Variants in FAM20B observed in about 807,000 individuals in gnomAD.
FAM20B encodes glycosaminoglycan xylosylkinase.
A neutral mutation model predicts 43.8 loss-of-function variants in FAM20B; 23 were observed. The observed-to-expected ratio is 0.53, with a 90% CI of 0.38 to 0.74. The LOEUF (loss-of-function observed/expected upper bound fraction) is 0.74. Ranked by LOEUF, FAM20B falls within the 30% of genes least tolerant of loss-of-function variation. The pLI is 0.00. For missense variants in FAM20B, 440 were observed against 510.5 expected (o/e 0.86, Z 1.33); for synonymous variants, 178 against 192.4 (o/e 0.93, Z 0.62).
At chr1:179,069,176 C>T (rs1436052408) in intron 7 of FAM20B, among the ~76,000 whole-genome samples, 1 of 152,112 alleles carries the variant, frequency 6.6e-6, no homozygotes, top group Admixed American at 6.6e-5. Context: ...CCCACACCTT[C>T]TGGGAGTGTG....
intron 1 of FAM20B, among the ~76,000 whole-genome samples, chr1:179,031,071 G>A (rs1188984315): frequency 6.6e-6 from 1 of 152,100 alleles, no homozygotes; most frequent in Non-Finnish European, 1.5e-5. Context: ...AAAATGCGAG[G>A]TCTATTGTTG....
intron 1 of FAM20B, among the ~76,000 whole-genome samples, chr1:179,027,858 A>G (rs1011284856): frequency 1.3e-5 from 2 of 152,230 alleles, no homozygotes; most frequent in African/African-American, 4.8e-5. Flanking sequence ...TCTTAAGATT[A>G]GAGAAAAAAC....
chr1:179,041,260 C>T (rs929755531), intron 1 of FAM20B, among the ~76,000 whole-genome samples: 1 of 152,186 alleles, frequency 6.6e-6, no homozygotes. Context: ...GGGTGGCGGC[C>T]GAGCAGAGGC....
chr1:179,068,759 A>G (rs1456022600), intron 7 of FAM20B, among the ~76,000 whole-genome samples: 3 of 152,224 alleles, frequency 2.0e-5, no homozygotes, highest in Non-Finnish European at 4.4e-5. Flanking sequence ...TTAAATTCCA[A>G]TAACAGGAGT....
chr1:179,041,437 C>T (rs1311544626), intron 1 of FAM20B, among the ~76,000 whole-genome samples: 1 of 152,124 alleles, frequency 6.6e-6, no homozygotes, highest in African/African-American at 2.4e-5. Flanking sequence ...GCGGATCACT[C>T]GCGGTTAGGA....
chr1:179,074,294 AG>A lies in FAM20B; in HGVS notation c.*2151del, dbSNP rs1201992917. The A allele has an allele frequency of 6.6e-6, 1 of 152,660 alleles. No individual in the cohort carries two copies. Among genetic ancestry groups the A allele is most frequent in the African/African-American group, 2.4e-5 (1 of 41,460 alleles). The allele number at this position is 152,660 out of a possible 1,614,324, so 9.5% of individuals were successfully genotyped here. A position where few individuals can be genotyped will look rare whatever the true frequency, so the allele number is the denominator to read the frequency against. On this transcript the variant is annotated 3_prime_UTR_variant, in exon 8 of 8. Transcript: ENST00000263733. ...ATTGATTTCAGTTTTAAGGCTACTC[AG>A]TGTTGTGTGTCCAGGGAAATTCACA...
chr1:179,033,269 C>A (rs562101275), intron 1 of FAM20B, among the ~76,000 whole-genome samples: 1 of 152,282 alleles, frequency 6.6e-6, no homozygotes, highest in Admixed American at 6.5e-5. Flanking sequence ...CTGAAGTATG[C>A]AAGTGGATTT....
chr1:179,043,090 C>A (rs72707293), intron 1 of FAM20B, among the ~76,000 whole-genome samples: 21,474 of 152,210 alleles, frequency 0.14, 1,759 homozygotes, highest in East Asian at 0.3. Context: ...ATGTCATCCA[C>A]AGTGCCCAAG....
At chr1:179,067,593 G>A (rs1338780379) in intron 7 of FAM20B, among the ~76,000 whole-genome samples, 1 of 151,862 alleles carries the variant, frequency 6.6e-6, no homozygotes, top group Non-Finnish European at 1.5e-5. Context: ...GACAGAGTGA[G>A]ACTCTGTCTC....
chr1:179,054,004 T>G (rs1651113032), intron 3 of FAM20B, among the ~76,000 whole-genome samples: 1 of 152,188 alleles, frequency 6.6e-6, no homozygotes, highest in Middle Eastern at 3.2e-3. Context: ...AATTTCATTT[T>G]TTTAAAATAA....
At chr1:179,027,693 T>C (rs897027966) in intron 1 of FAM20B, among the ~76,000 whole-genome samples, 3 of 152,202 alleles carry the variant, frequency 2.0e-5, no homozygotes, top group African/African-American at 7.2e-5. Context: ...TAAAAGATGA[T>C]CAAGACATCT....
At chr1:179,068,878 A>G (rs1290187818) in intron 7 of FAM20B, among the ~76,000 whole-genome samples, 1 of 152,224 alleles carries the variant, frequency 6.6e-6, no homozygotes, top group Non-Finnish European at 1.5e-5. Flanking sequence ...AGCTCAGCCC[A>G]CCAGATAGCA....
In FAM20B at chr1:179,053,065, A is replaced by ATGT. The variant is rs1231149469; in HGVS notation, c.465-1462_465-1460dup. Among the ~76,000 whole-genome samples the ATGT allele has an allele frequency of 2.0e-5, 3 of 152,202 alleles. No homozygotes were observed. The South Asian group carries it at 6.2e-4, about 31-fold the overall frequency. On this transcript the variant is annotated intron_variant, in intron 3 of 7. Transcript: ENST00000263733. ...ATCTTAGAGTATTTGTGTACTTTTG[A>ATGT]TGTTAACTAACTATAATGTTTCAGT...
At position 179,073,254 on chromosome 1, in the gene FAM20B, TA is replaced by T. The variant is rs1557882213; in HGVS notation, c.*1111del. 1 of 152,250 alleles carries T rather than the reference TA, an allele frequency of 6.6e-6. No individual in the cohort carries two copies. Among genetic ancestry groups the T allele is most frequent in the African/African-American group, 2.4e-5 (1 of 41,462 alleles). 9.4% of individuals were successfully genotyped at this position (152,250 alleles called of 1,614,324 possible). On this transcript the variant is annotated 3_prime_UTR_variant, in exon 8 of 8. Coordinates refer to ENST00000263733, the MANE Select transcript of FAM20B (RefSeq NM_014864.4). The stretch of plus-strand genomic sequence containing the variant: ...ACTCTCTCAGATAAGTGGCTGGACT[TA>T]TCTTGTGATTTGGGGCCATGGAAGA...
intron 7 of FAM20B, among the ~76,000 whole-genome samples, chr1:179,069,652 A>G (rs1272931975): frequency 6.6e-6 from 1 of 152,156 alleles, no homozygotes; most frequent in Admixed American, 6.5e-5. Flanking sequence ...GATTACAGGC[A>G]TGAGCCACCG....
intron 2 of FAM20B, among the ~76,000 whole-genome samples, chr1:179,046,248 A>G (rs997445109): frequency 3.3e-5 from 5 of 152,234 alleles, no homozygotes; most frequent in Non-Finnish European, 7.3e-5. Context: ...CTCATCATCA[A>G]AAATCGCATT....
At position 179,071,921 on chromosome 1, in the gene FAM20B, TG is replaced by T. The variant is rs1557881455; in HGVS notation, c.1008del (p.Ser337ProfsTer6). 6.2e-7 allele frequency: 1 copy of T among 1,612,356 alleles called. No individual in the cohort carries two copies. ...ATAACTTTTTCTCCCAGCATTCGGG[TG>T]TCCACCTGGAACAGACTGAACTACC... ...APLYQCCIIR[V>X]STWNRLNYLK... is the part of the protein sequence containing the mutation. On this transcript the variant is annotated frameshift_variant, in exon 8 of 8. Transcript: ENST00000263733. LOFTEE classifies it high-confidence loss of function.
intron 7 of FAM20B, 44 bp from the exon 8 acceptor site, chr1:179,071,869 A>C (rs1035380528): frequency 1.5e-6 from 2 of 1,355,048 alleles, no homozygotes; most frequent in Non-Finnish European, 2.1e-6. Flanking sequence ...TCCGTTTGAT[A>C]ATGAGAAGTT....
chr1:179,022,734 T>C (rs1649627375), upstream of FAM20B, among the ~76,000 whole-genome samples: 1 of 152,220 alleles, frequency 6.6e-6, no homozygotes, highest in South Asian at 2.1e-4. Flanking sequence ...ATGGGCCATG[T>C]GCAGTGTTAG....
Sources: gnomAD v4.1 joint callset for allele counts (sites outside exome capture counted in the v4.1 genomes callset) on GRCh38, gnomAD v4.1.1 for gene constraint, MANE v1.5 for transcripts, NCBI Gene and HGNC (gene_info 2026-07-23, HGNC 2026-07-21) for gene names.